The following SMURF2 variants were observed in gnomAD, a reference collection of about 807,000 sequenced individuals.
SMURF2 encodes SMAD specific E3 ubiquitin protein ligase 2.
SMURF2 carries 48 observed loss-of-function variants against 109.6 expected under a neutral mutation model. That is an observed-to-expected ratio of 0.44 (90% CI 0.35 to 0.56). The LOEUF (loss-of-function observed/expected upper bound fraction) is 0.56, where lower values mean the gene tolerates loss of function less well. Among genes scored for constraint, SMURF2 ranks in the 20% least tolerant of loss-of-function variants. The pLI, the probability that SMURF2 is intolerant of heterozygous loss-of-function variation, is 0.01. For missense variants in SMURF2, 575 were observed against 909.0 expected, an observed-to-expected ratio of 0.63 and a Z score of 4.72; for synonymous variants, 288 against 317.1, an observed-to-expected ratio of 0.91 and a Z score of 0.97.
At chr17:64,553,147 T>C (rs16947868) in intron 15 of SMURF2, among the ~76,000 whole-genome samples, 14,460 of 152,070 alleles carry the variant, frequency 0.095, 1,130 homozygotes, top group African/African-American at 0.2. Context: ...AGTCGCATCA[T>C]CTCCACTCCC....
chr17:64,650,561 T>C (rs1970623164), intron 1 of SMURF2, among the ~76,000 whole-genome samples: 1 of 152,198 alleles, frequency 6.6e-6, no homozygotes, highest in South Asian at 2.1e-4. Flanking sequence ...CCAGGCACAG[T>C]GGCTCATGCC....
At chr17:64,569,994 T>C (rs1969375881) in intron 10 of SMURF2, among the ~76,000 whole-genome samples, 1 of 152,218 alleles carries the variant, frequency 6.6e-6, no homozygotes, top group African/African-American at 2.4e-5. Context: ...CGACCTTCAT[T>C]TGTAAGCAAG....
At chr17:64,619,143 A>C (rs1003152323) in intron 1 of SMURF2, among the ~76,000 whole-genome samples, 1 of 152,140 alleles carries the variant, frequency 6.6e-6, no homozygotes, top group Non-Finnish European at 1.5e-5. Context: ...ACTCAACTCT[A>C]AAATTTCTCA....
At chr17:64,626,160 G>A (rs1403470241) in intron 1 of SMURF2, among the ~76,000 whole-genome samples, 1 of 151,430 alleles carries the variant, frequency 6.6e-6, no homozygotes, top group Non-Finnish European at 1.5e-5. Context: ...TCGGGTGGCT[G>A]AGGCATGAGG....
chr17:64,614,189 T>C (rs1970091085), intron 1 of SMURF2, among the ~76,000 whole-genome samples: 1 of 152,182 alleles, frequency 6.6e-6, no homozygotes, highest in Non-Finnish European at 1.5e-5. Flanking sequence ...TAGACAGCAA[T>C]CAGTATTTCA....
Position 64,545,654 on chromosome 17 carries a change from C to T in SMURF2, c.*194G>A, listed in dbSNP as rs570768879. ...GTGGCCTCATGGCAAAGCATAAAGA[C>T]CTTTTTTTTCCTTGAAAAGGAATTT... On this transcript the variant is annotated 3_prime_UTR_variant, in exon 19 of 19. Coordinates refer to ENST00000262435, the MANE Select transcript of SMURF2 (RefSeq NM_022739.4). The T allele has an allele frequency of 1.6e-5, 7 of 427,494 alleles. No individual in the cohort carries two copies. The East Asian group carries it at 2.6e-4, about 16-fold the overall frequency. 26.5% of individuals were successfully genotyped at this position (427,494 alleles called of 1,614,324 possible). A position where few individuals can be genotyped will look rare whatever the true frequency, so the allele number is the denominator to read the frequency against.
intron 1 of SMURF2, among the ~76,000 whole-genome samples, chr17:64,618,932 C>T (rs1249101571): frequency 6.6e-6 from 1 of 152,108 alleles, no homozygotes; most frequent in Non-Finnish European, 1.5e-5. Flanking sequence ...GAACCTGGTG[C>T]TATCCCTTAT....
intron 3 of SMURF2, among the ~76,000 whole-genome samples, chr17:64,595,140 C>A (rs781911757): frequency 1.4e-4 from 22 of 152,138 alleles, no homozygotes; most frequent in Non-Finnish European, 2.1e-4. Flanking sequence ...TCCAATGTGC[C>A]ATATTTTTTA....
intron 14 of SMURF2, among the ~76,000 whole-genome samples, chr17:64,555,436 TCAA>T (rs1158592445): frequency 6.6e-6 from 1 of 152,214 alleles, no homozygotes; most frequent in Non-Finnish European, 1.5e-5. Flanking sequence ...TAGCTTAAAT[TCAA>T]CAATTAGTTC....
rs1970792432 is a variant in SMURF2 at position 64,662,146 on chromosome 17, G to C, written c.-266C>G. 9.7e-7 allele frequency: 1 copy of C among 1,033,356 alleles called. No individual in the cohort carries two copies. The highest frequency in any genetic ancestry group is 1.2e-6 in the Non-Finnish European group (1 of 862,234). The allele number at this position is 1,033,356 out of a possible 1,614,324, so 64.0% of individuals were successfully genotyped here. ...GCGGCCGCCCGCGCCGCCTCCGCCCGCGCCCCCGCCGCCTCCTCGCGGCCG... is the reference window on the plus strand; with the variant it reads ...GCGGCCGCCCGCGCCGCCTCCGCCCCCGCCCCCGCCGCCTCCTCGCGGCCG... On this transcript the variant is annotated 5_prime_UTR_variant, in exon 1 of 19. Transcript: ENST00000262435.
Position 64,547,861 on chromosome 17 carries a change from C to T in SMURF2, c.1870-60G>A, listed in dbSNP as rs1242540000. On this transcript the variant is annotated intron_variant, in intron 16 of 18. Transcript: ENST00000262435. This position sits in a 1 kb window ranked among gnomAD's most constrained non-coding sequence, Gnocchi z 4.2. Reference sequence around the variant, plus strand: ...AACCACAGCCAGACCAAAAATTCCTCAAAAGAGAACTTTAGGTTTGTACTG... The same window carrying T: ...AACCACAGCCAGACCAAAAATTCCTTAAAAGAGAACTTTAGGTTTGTACTG... The T allele has an allele frequency of 1.2e-5, 17 of 1,464,972 alleles. No individual in the cohort carries two copies. The Admixed American group carries it at 2.7e-4, about 23-fold the overall frequency. 90.7% of individuals were successfully genotyped at this position (1,464,972 alleles called of 1,614,324 possible).
At chr17:64,620,866 G>T (rs868960492) in intron 1 of SMURF2, among the ~76,000 whole-genome samples, 3 of 152,180 alleles carry the variant, frequency 2.0e-5, no homozygotes, top group African/African-American at 7.2e-5. Flanking sequence ...TTATAAGGAT[G>T]TGCAAACTAA....
chr17:64,625,651 G>A (rs956082188), intron 1 of SMURF2, among the ~76,000 whole-genome samples: 12 of 152,200 alleles, frequency 7.9e-5, no homozygotes, highest in African/African-American at 2.9e-4. Flanking sequence ...ACTTTAGCAC[G>A]TATCTTATCT....
intron 1 of SMURF2, among the ~76,000 whole-genome samples, chr17:64,635,607 T>C (rs1197186847): frequency 6.6e-6 from 1 of 152,186 alleles, no homozygotes; most frequent in Non-Finnish European, 1.5e-5. Context: ...CTTCTTTCAA[T>C]CAACCTAATT....
rs146461154 is a variant in SMURF2 at position 64,642,696 on chromosome 17, G to T, written c.52+19133C>A. The stretch of plus-strand genomic sequence containing the variant: ...AACACATATCTATTAAGCACTGTGT[G>T]TAGGCAAATATTAGTATGAATGAGT... On this transcript the variant is annotated intron_variant, in intron 1 of 18. Transcript: ENST00000262435. Among the ~76,000 whole-genome samples, 372 of 152,308 alleles carry T rather than the reference G, an allele frequency of 2.4e-3. 1 individual carries two copies. Among genetic ancestry groups the T allele is most frequent in the African/African-American group, 8.5e-3 (355 of 41,564 alleles).
chr17:64,565,448 A>G (rs1281573459), intron 10 of SMURF2, among the ~76,000 whole-genome samples: 2 of 152,202 alleles, frequency 1.3e-5, no homozygotes, highest in Admixed American at 6.5e-5. Context: ...AGTAGATCTG[A>G]TAAGCAGGGA....
At chr17:64,577,727 C>T (rs1434686171) in intron 9 of SMURF2, among the ~76,000 whole-genome samples, 2 of 151,690 alleles carry the variant, frequency 1.3e-5, no homozygotes, top group African/African-American at 2.4e-5. Flanking sequence ...TCCCAAGCAA[C>T]TGGGACCACA....
chr17:64,627,185 G>A (rs1047125572), intron 1 of SMURF2, among the ~76,000 whole-genome samples: 1 of 145,006 alleles, frequency 6.9e-6, no homozygotes, highest in Admixed American at 7.4e-5. Context: ...CACAATCTTG[G>A]CTCACTGCAA....
At chr17:64,579,867 C>G (rs961893648) in intron 8 of SMURF2, among the ~76,000 whole-genome samples, 2 of 152,086 alleles carry the variant, frequency 1.3e-5, no homozygotes, top group Admixed American at 1.3e-4. Flanking sequence ...GTCACTCAAG[C>G]CTATAATTTA....
Sources: allele counts gnomAD v4.1 joint callset (sites outside exome capture counted in the v4.1 genomes callset), GRCh38; gene constraint gnomAD v4.1.1; non-coding constraint Gnocchi (gnomAD v3.1); transcripts MANE v1.5; gene names NCBI Gene and HGNC (gene_info 2026-07-23, HGNC 2026-07-21).